UQCC1: variants seen among roughly 807,000 people sequenced by gnomAD.
UQCC1 encodes ubiquinol-cytochrome c reductase complex assembly factor 1.
Under a neutral mutation model 48.0 loss-of-function variants are expected in UQCC1, and 38 were observed. That is an observed-to-expected ratio of 0.79 (90% confidence interval 0.61 to 1.04). UQCC1 has a LOEUF of 1.04. UQCC1 is among the 50% of genes least tolerant of loss of function. UQCC1 has a pLI of 0.00. For missense variants in UQCC1, 368 were observed against 381.8 expected (o/e 0.96, Z 0.30); for synonymous variants, 111 against 129.2 (o/e 0.86, Z 0.95).
intron 2 of UQCC1, among the ~76,000 whole-genome samples, chr20:35,384,831 G>A (rs1212418433): frequency 6.6e-6 from 1 of 151,690 alleles, no homozygotes; most frequent in Non-Finnish European, 1.5e-5. Context: ...GCCAGGTGTG[G>A]TGGCACATGC....
chr20:35,403,959 C>T (rs755790024), intron 1 of UQCC1, among the ~76,000 whole-genome samples: 11 of 152,070 alleles, frequency 7.2e-5, no homozygotes, highest in East Asian at 1.9e-4. Flanking sequence ...ATACCTAGGC[C>T]GGGCGTGGTG....
At chr20:35,371,635 G>A (rs2061731889) in intron 5 of UQCC1, among the ~76,000 whole-genome samples, 1 of 149,030 alleles carries the variant, frequency 6.7e-6, no homozygotes, top group Non-Finnish European at 1.5e-5. Context: ...CCCAGCCTGA[G>A]GATGAGGTTT....
intron 2 of UQCC1, chr20:35,386,516 A>G (rs764943322): frequency 1.0e-4 from 36 of 359,980 alleles, no homozygotes; most frequent in Admixed American, 1.5e-4. Flanking sequence ...GCTTTAATTC[A>G]TAAGTATCAA....
chr20:35,318,399 C>G (rs2061086752), intron 7 of UQCC1, among the ~76,000 whole-genome samples: 1 of 152,240 alleles, frequency 6.6e-6, no homozygotes, highest in Admixed American at 6.5e-5. Flanking sequence ...TCAACACATT[C>G]ATCTGCAAAC....
chr20:35,327,652 G>T (rs1210869750), intron 7 of UQCC1, among the ~76,000 whole-genome samples: 1 of 152,168 alleles, frequency 6.6e-6, no homozygotes, highest in Non-Finnish European at 1.5e-5. Context: ...TCTTACTTAA[G>T]TAGTGAGGTG....
chr20:35,384,966 C>CAAAAAAAAAAAAA (rs57141083), intron 2 of UQCC1, among the ~76,000 whole-genome samples: 14 of 69,748 alleles, frequency 2.0e-4, no homozygotes, highest in African/African-American at 8.8e-4. Flanking sequence ...GAATCGGTCT[C>CAAAAAAAAAAAAA]AAAAAAAAAA....
At chr20:35,332,178 G>C (rs992087895) in intron 7 of UQCC1, among the ~76,000 whole-genome samples, 3 of 152,180 alleles carry the variant, frequency 2.0e-5, no homozygotes, top group Non-Finnish European at 4.4e-5. Context: ...AACACACAGG[G>C]GCCCTCACTA....
chr20:35,309,793 A>G (rs1449429126), intron 8 of UQCC1, among the ~76,000 whole-genome samples: 1 of 152,238 alleles, frequency 6.6e-6, no homozygotes, highest in Admixed American at 6.5e-5. Flanking sequence ...CTCAGTGAAG[A>G]TTGATTTGAC....
At position 35,310,901 on chromosome 20, in the gene UQCC1, T is replaced by C. The variant is rs535077803; in HGVS notation, c.651+3787A>G. On this transcript the variant is annotated intron_variant, in intron 8 of 9. Transcript: ENST00000374385. ...TTTCAGTAGAGACGGGGTTTCACCATGTTGGTCAGGCTGGTCTCGAACTCT... is the reference window on the plus strand; with the variant it reads ...TTTCAGTAGAGACGGGGTTTCACCACGTTGGTCAGGCTGGTCTCGAACTCT... 3.9e-3 allele frequency among the ~76,000 whole-genome samples: 573 copies of C among 147,618 alleles called. 2 individuals carry two copies. Among genetic ancestry groups the C allele is most frequent in the African/African-American group, 0.013 (519 of 40,020 alleles).
At chr20:35,392,190 C>T (rs1449682251) in intron 2 of UQCC1, 1 of 1,264,374 alleles carries the variant, frequency 7.9e-7, no homozygotes, top group Non-Finnish European at 1.0e-6. Flanking sequence ...ATTAACAAAA[C>T]TCTTTCTCAT....
At chr20:35,353,508 T>C (rs1170196070) in intron 6 of UQCC1, among the ~76,000 whole-genome samples, 2 of 148,680 alleles carry the variant, frequency 1.3e-5, no homozygotes, top group African/African-American at 4.9e-5. Flanking sequence ...ATGTAGCCTA[T>C]GGCCAGGTGT....
chr20:35,402,538 A>ACT (rs1160016438), intron 1 of UQCC1, among the ~76,000 whole-genome samples: 1 of 151,190 alleles, frequency 6.6e-6, no homozygotes, highest in African/African-American at 2.4e-5. Flanking sequence ...AGATCGCACC[A>ACT]CTGCACTCTA....
chr20:35,398,698 C>T (rs1435551141), intron 1 of UQCC1, among the ~76,000 whole-genome samples: 2 of 128,480 alleles, frequency 1.6e-5, no homozygotes, highest in Non-Finnish European at 3.1e-5. Context: ...TGTTCCTGTA[C>T]TAAAAATGTT....
chr20:35,373,240 T>C (rs2061754592), intron 5 of UQCC1, among the ~76,000 whole-genome samples: 1 of 152,246 alleles, frequency 6.6e-6, no homozygotes, highest in Non-Finnish European at 1.5e-5. Flanking sequence ...ATCAATGAGA[T>C]ATACATAATA....
intron 8 of UQCC1, 122 bp from the exon 9 acceptor site, chr20:35,306,901 A>G (rs1471887410): frequency 1.3e-6 from 1 of 771,232 alleles, no homozygotes; most frequent in Admixed American, 2.0e-5. Flanking sequence ...TCCACGCACA[A>G]GAGGAAAATG....
intron 5 of UQCC1, among the ~76,000 whole-genome samples, chr20:35,372,026 AAG>A (rs1373736431): frequency 6.6e-6 from 1 of 151,580 alleles, no homozygotes; most frequent in Non-Finnish European, 1.5e-5. Context: ...AAAAAAGAAA[AAG>A]AGGCCGGGTG....
intron 2 of UQCC1, among the ~76,000 whole-genome samples, chr20:35,387,445 T>C (rs1298459593): frequency 6.6e-6 from 1 of 152,136 alleles, no homozygotes; most frequent in Non-Finnish European, 1.5e-5. Context: ...CTTATATGTC[T>C]GTCATTTTCT....
chr20:35,385,387 T>C (rs1283770834), intron 2 of UQCC1, among the ~76,000 whole-genome samples: 1 of 152,184 alleles, frequency 6.6e-6, no homozygotes, highest in Non-Finnish European at 1.5e-5. Flanking sequence ...CCAGATACTA[T>C]ACAGAATGAA....
chr20:35,410,716 A>AAAAAAAAAAAAAAAAAAAAAAC (rs1370852913), intron 1 of UQCC1, among the ~76,000 whole-genome samples: 13 of 108,760 alleles, frequency 1.2e-4, no homozygotes, highest in African/African-American at 3.5e-4. Context: ...AAAAAAAAAA[A>AAAAAAAAAAAAAAAAAAAAAAC]AAAAAAAACA....
Sources: allele counts gnomAD v4.1 joint callset (sites outside exome capture counted in the v4.1 genomes callset), GRCh38; gene constraint gnomAD v4.1.1; transcripts MANE v1.5; gene names NCBI Gene and HGNC (gene_info 2026-07-23, HGNC 2026-07-21).